Variants in TENM2 observed in about 807,000 individuals in gnomAD.
TENM2 encodes the protein teneurin-2.
Under a neutral mutation model 245.2 loss-of-function variants are expected in TENM2, and 52 were observed. The observed-to-expected ratio is 0.21, with a 90% CI of 0.17 to 0.27. The LOEUF is 0.27. Ranked by LOEUF, TENM2 falls within the 10% of genes least tolerant of loss-of-function variation. The pLI, the probability that TENM2 is intolerant of heterozygous loss-of-function variation, is 1.00. For missense variants in TENM2, 3,046 were observed against 3,666.8 expected, an observed-to-expected ratio of 0.83 and a Z score of 4.37; for synonymous variants, 1,363 against 1,438.9, an observed-to-expected ratio of 0.95 and a Z score of 1.19.
chr5:167,458,494 C>A (rs112989381), intron 2 of TENM2, among the ~76,000 whole-genome samples: 6,314 of 82,018 alleles, frequency 0.077, 277 homozygotes, highest in Non-Finnish European at 0.087. Context: ...CTCAAAAAAA[C>A]AAAAAAAAAA....
chr5:167,265,413 T>C, the TENM2 span, among the ~76,000 whole-genome samples: 1 of 151,734 alleles, frequency 6.6e-6, no homozygotes, highest in South Asian at 2.1e-4. Flanking sequence ...GCTAGAATAT[T>C]GGGGATACAG....
chr5:167,314,179 G>T (rs1756213948), intron 1 of TENM2, among the ~76,000 whole-genome samples: 1 of 152,002 alleles, frequency 6.6e-6, no homozygotes, highest in Non-Finnish European at 1.5e-5. Context: ...CTCTTTTTTA[G>T]GTTTTTCCCA....
intron 4 of TENM2, among the ~76,000 whole-genome samples, chr5:167,969,917 C>G (rs1219164224): frequency 6.6e-6 from 1 of 152,146 alleles, no homozygotes; most frequent in Non-Finnish European, 1.5e-5. Flanking sequence ...ATGTGGGGGC[C>G]TCATAGTGGA....
intron 2 of TENM2, among the ~76,000 whole-genome samples, chr5:167,435,395 G>A (rs948553385): frequency 5.3e-5 from 8 of 152,162 alleles, no homozygotes; most frequent in African/African-American, 1.7e-4. Context: ...TTAACAAGGA[G>A]AAACCCGTTT....
intron 2 of TENM2, among the ~76,000 whole-genome samples, chr5:167,618,702 T>A (rs1432876027): frequency 6.6e-6 from 1 of 152,148 alleles, no homozygotes; most frequent in African/African-American, 2.4e-5. Flanking sequence ...CAACCTTCTT[T>A]GCAATAAATT....
At chr5:167,884,608 AC>A (rs917624526) in intron 3 of TENM2, among the ~76,000 whole-genome samples, 1 of 152,122 alleles carries the variant, frequency 6.6e-6, no homozygotes, top group African/African-American at 2.4e-5. Flanking sequence ...AAAGCTGAAA[AC>A]TATTCAATTT....
intron 3 of TENM2, among the ~76,000 whole-genome samples, chr5:167,876,537 T>C (rs997389758): frequency 1.2e-4 from 19 of 152,188 alleles, no homozygotes; most frequent in Admixed American, 2.6e-4. Context: ...CATAGCTGAG[T>C]GACCCTGGAC....
intron 3 of TENM2, among the ~76,000 whole-genome samples, chr5:167,942,100 C>T (rs1384351712): frequency 2.6e-5 from 4 of 151,076 alleles, no homozygotes; most frequent in Non-Finnish European, 5.9e-5. Context: ...CCCAGCTACT[C>T]GGGAGGCTGA....
At chr5:167,137,844 T>C in the TENM2 span, among the ~76,000 whole-genome samples, 3 of 152,204 alleles carry the variant, frequency 2.0e-5, no homozygotes, top group Non-Finnish European at 4.4e-5. Flanking sequence ...CTGGTATAAA[T>C]TAGAATCTTT....
intron 2 of TENM2, among the ~76,000 whole-genome samples, chr5:167,466,648 T>C (rs1206384234): frequency 1.3e-5 from 2 of 152,226 alleles, no homozygotes; most frequent in Non-Finnish European, 2.9e-5. Flanking sequence ...TTTTCATTTA[T>C]AAATGTGTTG....
At chr5:167,918,065 A>T (rs906037572) in intron 3 of TENM2, among the ~76,000 whole-genome samples, 9 of 152,202 alleles carry the variant, frequency 5.9e-5, no homozygotes, top group Admixed American at 2.6e-4. Context: ...CTTAGCACAA[A>T]GTTAGTGCTC....
chr5:168,158,223 C>G (rs1228773162), intron 12 of TENM2, among the ~76,000 whole-genome samples: 2 of 152,128 alleles, frequency 1.3e-5, no homozygotes, highest in East Asian at 3.9e-4. Flanking sequence ...CATCAGCTCT[C>G]TCTCTATAGG....
chr5:167,446,324 A>G (rs1030696215), intron 2 of TENM2, among the ~76,000 whole-genome samples: 5 of 152,066 alleles, frequency 3.3e-5, no homozygotes, highest in Non-Finnish European at 7.4e-5. Context: ...GCATGTAAGC[A>G]TTCCCTCCTG....
At chr5:167,140,597 G>A in the TENM2 span, among the ~76,000 whole-genome samples, 1 of 152,140 alleles carries the variant, frequency 6.6e-6, no homozygotes, top group East Asian at 1.9e-4. Context: ...CTGACATAAT[G>A]CTGAACTGTA....
chr5:167,849,305 C>T (rs558606362), intron 2 of TENM2, among the ~76,000 whole-genome samples: 6 of 152,238 alleles, frequency 3.9e-5, no homozygotes, highest in South Asian at 4.1e-4. Context: ...TTCCTTTTTA[C>T]CATGTGCACC....
Position 167,911,184 on chromosome 5 carries a change from A to G in TENM2, c.712+34989A>G, listed in dbSNP as rs185293650. On this transcript the variant is annotated intron_variant, in intron 3 of 28. Coordinates refer to ENST00000518659, the Ensembl canonical transcript of TENM2. ...GGTTTTAATTGTTACTGTAGAATGG[A>G]GTTGTTTCACAAAAATGATAATCCA... 7.9e-4 allele frequency among the ~76,000 whole-genome samples: 121 copies of G among 152,294 alleles called. 3 individuals carry two copies. In the East Asian group the frequency reaches 0.023, roughly 29 times the overall value.
At chr5:167,481,610 A>G (rs1045663022) in intron 2 of TENM2, among the ~76,000 whole-genome samples, 1 of 152,162 alleles carries the variant, frequency 6.6e-6, no homozygotes, top group Non-Finnish European at 1.5e-5. Context: ...CAAGTGCCAC[A>G]TGTGTCACGT....
chr5:167,563,921 C>T (rs1485192145), intron 2 of TENM2, among the ~76,000 whole-genome samples: 1 of 152,154 alleles, frequency 6.6e-6, no homozygotes, highest in Non-Finnish European at 1.5e-5. Flanking sequence ...TAAGTGCACT[C>T]TATGATGTTT....
chr5:168,226,960 T>G (rs1208919917), intron 24 of TENM2, among the ~76,000 whole-genome samples: 2 of 152,224 alleles, frequency 1.3e-5, no homozygotes, highest in Non-Finnish European at 2.9e-5. Flanking sequence ...TCTGGACTAT[T>G]ATCCCACAGC....
Sources: gnomAD v4.1 joint callset for allele counts (sites outside exome capture counted in the v4.1 genomes callset) on GRCh38, gnomAD v4.1.1 for gene constraint, MANE v1.5 for transcripts, NCBI Gene and HGNC (gene_info 2026-07-23, HGNC 2026-07-21) for gene names.